The following STARD9 variants were observed in gnomAD, a reference collection of about 807,000 sequenced individuals.
STARD9 encodes the protein StAR related lipid transfer domain containing 9.
Under a neutral mutation model 399.8 loss-of-function variants are expected in STARD9, and 346 were observed. That is an observed-to-expected ratio of 0.87 (90% CI 0.79 to 0.95). STARD9 has a LOEUF of 0.95. Ranked by LOEUF, STARD9 falls within the 40% of genes least tolerant of loss-of-function variation. STARD9 has a pLI of 0.00. For missense variants in STARD9, 5,832 were observed against 5,667.5 expected, an observed-to-expected ratio of 1.03 and a Z score of -0.93; for synonymous variants, 2,203 against 2,143.5, an observed-to-expected ratio of 1.03 and a Z score of -0.77.
intron 3 of STARD9, chr15:42,629,902 T>G (rs779898285): frequency 5.9e-5 from 9 of 152,134 alleles, no homozygotes; most frequent in Non-Finnish European, 1.2e-4. Flanking sequence ...CTTCATTCTG[T>G]TGACATGATG....
chr15:42,681,813 T>C (rs1159803593), intron 21 of STARD9, among the ~76,000 whole-genome samples: 2 of 152,182 alleles, frequency 1.3e-5, no homozygotes, highest in Admixed American at 1.3e-4. Flanking sequence ...AATTTCCTTA[T>C]TGTCCTCAGA....
intron 3 of STARD9, among the ~76,000 whole-genome samples, chr15:42,620,497 A>T (rs1031774673): frequency 2.0e-5 from 3 of 152,050 alleles, no homozygotes; most frequent in Admixed American, 6.6e-5. Flanking sequence ...AAAAATTTTC[A>T]GGAAATTAAA....
At chr15:42,638,577 C>T (rs1595686215) in intron 6 of STARD9, 123 bp from the exon 7 acceptor site, 1 of 616,332 alleles carries the variant, frequency 1.6e-6, no homozygotes, top group Non-Finnish European at 2.8e-6. Flanking sequence ...TTGGCTTGAT[C>T]ATTGCCTTAG....
rs118145038 is a variant in STARD9 at position 42,634,466 on chromosome 15, T to C, written c.235-390T>C. ...GGTATCCTAAGACCCTGAATTTGTA[T>C]GTTATTGGGCAATATTTCACTGCAG... On this transcript the variant is annotated intron_variant, in intron 3 of 32. Transcript: ENST00000290607. 6.6e-4 allele frequency among the ~76,000 whole-genome samples: 101 copies of C among 152,346 alleles called. 1 individual carries two copies. In the East Asian group the frequency reaches 0.019, roughly 29 times the overall value.
At position 42,663,337 on chromosome 15, in the gene STARD9, G is replaced by A; in HGVS notation, c.925G>A (p.Gly309Ser). 1 of 1,537,344 alleles carries A rather than the reference G, an allele frequency of 6.5e-7. No homozygotes were observed. Among genetic ancestry groups the A allele is most frequent in the Non-Finnish European group, 8.7e-7 (1 of 1,146,918 alleles). ...CQSLNSSVSN[G>S]GDSGILSSPS... Reference sequence around the variant, plus strand: ...GAGCCTCAACAGCTCAGTCAGCAATGGTGGTGACAGTGGGATCCTTAGCTC... The same window carrying A: ...GAGCCTCAACAGCTCAGTCAGCAATAGTGGTGACAGTGGGATCCTTAGCTC... The change falls in exon 12 of 33, where the codon GGT becomes AGT. Residue 309 changes from glycine to serine, a missense_variant. By Grantham distance (56) the Gly-to-Ser change is moderately conservative. Around this residue, in one of 2 missense-constraint regions of STARD9, gnomAD observed 5,828 missense variants for 5,651.1 expected, o/e 1.03. Transcript: ENST00000290607.
chr15:42,649,135 T>C (rs182223038), intron 7 of STARD9, among the ~76,000 whole-genome samples: 1 of 152,186 alleles, frequency 6.6e-6, no homozygotes, highest in Non-Finnish European at 1.5e-5. Flanking sequence ...GTTCAAGCGA[T>C]TCTCTTGCCT....
chr15:42,685,004 T>A lies in STARD9; in HGVS notation c.3426T>A (p.Asp1142Glu). 1 of 1,537,132 alleles carries A rather than the reference T, an allele frequency of 6.5e-7. No individual in the cohort carries two copies. Among genetic ancestry groups the A allele is most frequent in the Non-Finnish European group, 8.7e-7 (1 of 1,146,936 alleles). The change falls in exon 23 of 33, where the codon GAT (aspartate) becomes GAA (glutamate). Residue 1142 changes from aspartate to glutamate, a missense_variant. Physicochemically the swap from Asp to Glu is conservative, Grantham distance 45. Around this residue, in one of 2 missense-constraint regions of STARD9, gnomAD observed 5,828 missense variants for 5,651.1 expected, o/e 1.03. Transcript: ENST00000290607. Reference protein sequence around the residue: ...DFPEPENSESDDSQLSEDSLA... With the variant: ...DFPEPENSESEDSQLSEDSLA... ...CAGAGCCAGAGAACTCTGAAAGTGA[T>A]GACAGCCAACTATCTGAGGACTCAC...
Position 42,686,821 on chromosome 15 carries a change from A to G in STARD9, c.5243A>G (p.Tyr1748Cys), listed in dbSNP as rs1346218257. 11 of 1,537,056 alleles carry G rather than the reference A, an allele frequency of 7.2e-6. No individual in the cohort carries two copies. The highest frequency in any genetic ancestry group is 8.7e-6 in the Non-Finnish European group (10 of 1,146,922). Reference sequence around the variant, plus strand: ...CAGCCCCCACTCTTGGAAACATTCTATGTGACCAAAAGCAGGGATGCCCTG... The same window carrying G: ...CAGCCCCCACTCTTGGAAACATTCTGTGTGACCAAAAGCAGGGATGCCCTG... ...SLQPPLLETF[Y>C]VTKSRDALTE... The change falls in exon 23 of 33, where the codon TAT becomes TGT. Residue 1748 changes from tyrosine (Y) to cysteine (C), a missense_variant. By Grantham distance (194) the Tyr-to-Cys change is radical. This residue lies in a region of STARD9 where 5,828 missense variants were observed against 5,651.1 expected (regional missense o/e 1.03). Coordinates refer to ENST00000290607, the MANE Select transcript of STARD9 (RefSeq NM_020759.3).
In STARD9 at chr15:42,583,514, T is replaced by C. The variant is rs1042831392; in HGVS notation, c.117+99T>C. The C allele has an allele frequency of 1.5e-4, 124 of 846,944 alleles. No individual in the cohort carries two copies. The South Asian group carries it at 1.7e-3, about 11-fold the overall frequency. 52.5% of individuals were successfully genotyped at this position (846,944 alleles called of 1,614,324 possible). ...GTGTATATGTGAATGTGTTTAGAGT[T>C]GGGGAGGAAGGGGTATATAAGAGGA... is the stretch of plus-strand genomic sequence containing the variant. On this transcript the variant is annotated intron_variant, in intron 2 of 32. Transcript: ENST00000290607.
intron 13 of STARD9, 63 bp from the exon 14 acceptor site, chr15:42,665,190 A>T (rs1163715139): frequency 2.3e-6 from 3 of 1,317,076 alleles, no homozygotes; most frequent in Non-Finnish European, 2.1e-6. Flanking sequence ...AATTGCAACT[A>T]GCATTTCACA....
At position 42,675,516 on chromosome 15, in the gene STARD9, G is replaced by A. The variant is rs1483730491; in HGVS notation, c.1688-148G>A. 1.3e-5 allele frequency: 8 copies of A among 622,162 alleles called. No individual in the cohort carries two copies. The East Asian group carries it at 2.2e-4, about 17-fold the overall frequency. The allele number at this position is 622,162 out of a possible 1,614,324, so 38.5% of individuals were successfully genotyped here. The stretch of plus-strand genomic sequence containing the variant: ...TATTAATTCAAGATGTATGCTGTGA[G>A]ATGCAGAATTAATATGTATCTTATC... On this transcript the variant is annotated intron_variant, in intron 18 of 32. Coordinates refer to ENST00000290607, the MANE Select transcript of STARD9 (RefSeq NM_020759.3).
intron 3 of STARD9, among the ~76,000 whole-genome samples, chr15:42,630,340 C>G (rs1180135421): frequency 6.6e-6 from 1 of 151,988 alleles, no homozygotes; most frequent in Non-Finnish European, 1.5e-5. Flanking sequence ...ATTTGGTTTG[C>G]TGGTATTTTG....
At position 42,718,197 on chromosome 15, in the gene STARD9, A is replaced by T; in HGVS notation, c.13762+18A>T. Reference sequence around the variant, plus strand: ...CAGCCTGGGTGAGCCCAGGGAAGGAAGGCTTCCATGGGGCCTAGTTTCTGG... The same window carrying T: ...CAGCCTGGGTGAGCCCAGGGAAGGATGGCTTCCATGGGGCCTAGTTTCTGG... On this transcript the variant is annotated intron_variant, in intron 30 of 32. Transcript: ENST00000290607. 1 of 1,531,756 alleles carries T rather than the reference A, an allele frequency of 6.5e-7. No individual in the cohort carries two copies. Among genetic ancestry groups the T allele is most frequent in the South Asian group, 1.2e-5 (1 of 83,926 alleles). The allele number at this position is 1,531,756 out of a possible 1,614,324, so 94.9% of individuals were successfully genotyped here. A position where few individuals can be genotyped will look rare whatever the true frequency, so the allele number is the denominator to read the frequency against.
At chr15:42,656,868 G>C (rs964234075) in intron 9 of STARD9, among the ~76,000 whole-genome samples, 7 of 152,122 alleles carry the variant, frequency 4.6e-5, no homozygotes, top group African/African-American at 1.4e-4. Context: ...TTGTGGGAAA[G>C]GGGGGTGAGG....
At position 42,684,685 on chromosome 15, in the gene STARD9, C is replaced by G; in HGVS notation, c.3107C>G (p.Ser1036Cys). ...KTFWTEYKPPSPSRASKRHQR... is the reference protein window; with the variant it reads ...KTFWTEYKPPCPSRASKRHQR... ...TTTTGGACAGAATACAAACCACCTT[C>G]TCCAAGCAGGGCATCAAAAAGGCAT... Residue 1036 changes from serine to cysteine, a missense_variant, in exon 23 of 33, where the codon TCT becomes TGT. Around this residue, in one of 2 missense-constraint regions of STARD9, gnomAD observed 5,828 missense variants for 5,651.1 expected, o/e 1.03. Transcript: ENST00000290607. The G allele has an allele frequency of 6.5e-7, 1 of 1,537,194 alleles. No individual in the cohort carries two copies. Among genetic ancestry groups the G allele is most frequent in the Non-Finnish European group, 8.7e-7 (1 of 1,146,910 alleles).
intron 3 of STARD9, among the ~76,000 whole-genome samples, chr15:42,606,753 C>T (rs571552353): frequency 7.2e-4 from 109 of 151,936 alleles, no homozygotes; most frequent in African/African-American, 2.3e-3. Flanking sequence ...TAAGCCACTG[C>T]GCCCAGCCTA....
Position 42,692,123 on chromosome 15 carries a change from C to A in STARD9, c.10545C>A (p.Asp3515Glu). 6.5e-7 allele frequency: 1 copy of A among 1,537,170 alleles called. No individual in the cohort carries two copies. The highest frequency in any genetic ancestry group is 8.7e-7 in the Non-Finnish European group (1 of 1,146,894). ...ATGTGGCCCGGTGCTCCAGCATGGACAATGGCCTAGAAGACCAGAACTCCC... is the reference window on the plus strand; with the variant it reads ...ATGTGGCCCGGTGCTCCAGCATGGAAAATGGCCTAGAAGACCAGAACTCCC... The part of the protein sequence containing the change: ...LSNVARCSSM[D>E]NGLEDQNSPF... The change falls in exon 23 of 33, where the codon GAC becomes GAA. Residue 3515 changes from aspartate (D) to glutamate (E), a missense_variant. Asp to Glu is a conservative substitution (Grantham distance 45). This residue lies in a region of STARD9 where 5,828 missense variants were observed against 5,651.1 expected (regional missense o/e 1.03). Coordinates refer to ENST00000290607, the MANE Select transcript of STARD9 (RefSeq NM_020759.3).
At chr15:42,653,991 G>A (rs1056284499) in intron 9 of STARD9, among the ~76,000 whole-genome samples, 1 of 152,104 alleles carries the variant, frequency 6.6e-6, no homozygotes, top group Admixed American at 6.6e-5. Flanking sequence ...AATTAAGTTA[G>A]TATTATTTTA....
rs2060570753 is a variant in STARD9, at chr15:42,686,843, C to A, written c.5265C>A (p.Ala1755=). The part of the protein sequence containing the change: ...ETFYVTKSRD[A]LTETALEIPA... ...TCTATGTGACCAAAAGCAGGGATGC[C>A]CTGACAGAAACTGCCTTAGAGATTC... Residue 1755 remains alanine (A), a synonymous_variant, in exon 23 of 33, where the codon GCC becomes GCA. Coordinates refer to ENST00000290607, the MANE Select transcript of STARD9 (RefSeq NM_020759.3). 6.5e-7 allele frequency: 1 copy of A among 1,537,050 alleles called. No individual in the cohort carries two copies. The highest frequency in any genetic ancestry group is 8.7e-7 in the Non-Finnish European group (1 of 1,146,902).
Sources: gnomAD v4.1 joint callset for allele counts (sites outside exome capture counted in the v4.1 genomes callset) on GRCh38, gnomAD v4.1.1 for gene constraint, gnomAD v4.1.1 regional missense constraint, MANE v1.5 for transcripts, NCBI Gene and HGNC (gene_info 2026-07-23, HGNC 2026-07-21) for gene names.